Variants in SLC7A2 observed in about 807,000 individuals in gnomAD.
SLC7A2 encodes the protein cationic amino acid transporter 2.
A neutral mutation model predicts 58.9 loss-of-function variants in SLC7A2; 48 were observed. The ratio of observed to expected loss-of-function variants is 0.82; its 90% CI spans 0.65 to 1.04. SLC7A2 has a LOEUF of 1.04. Ranked by LOEUF, SLC7A2 falls within the 50% of genes least tolerant of loss-of-function variation. The pLI is 0.00. For synonymous variants in SLC7A2, 363 were observed against 314.5 expected, an observed-to-expected ratio of 1.15 and a Z score of -1.63; for missense variants, 1,029 against 818.8, an observed-to-expected ratio of 1.26 and a Z score of -3.13.
In SLC7A2 at chr8:17,543,404, T is replaced by C. The variant is rs757240144; in HGVS notation, c.65T>C (p.Leu22Pro). The change falls in exon 3 of 13, where the codon CTG becomes CCG. Residue 22 changes from leucine (L) to proline (P), a missense_variant. Physicochemically the swap from Leu to Pro is moderately conservative, Grantham distance 98 (BLOSUM62 -3). Coordinates refer to ENST00000494857, the MANE Select transcript of SLC7A2 (RefSeq NM_001370338.1). ...RCLIRRKIVT[L>P]DSLEDTKLCR... ...CTGATCCGGAGAAAAATCGTGACCC[T>C]GGACAGTCTAGAAGACACCAAATTA... The C allele has an allele frequency of 3.1e-6, 5 of 1,614,170 alleles. No individual in the cohort carries two copies. Among genetic ancestry groups the C allele is most frequent in the Non-Finnish European group, 4.2e-6 (5 of 1,180,014 alleles).
At chr8:17,537,785 C>T (rs919582637) in intron 2 of SLC7A2, among the ~76,000 whole-genome samples, 1 of 152,176 alleles carries the variant, frequency 6.6e-6, no homozygotes, top group Non-Finnish European at 1.5e-5. Context: ...CTGCCTGGTG[C>T]CCAAGCCTGA....
intron 8 of SLC7A2, among the ~76,000 whole-genome samples, chr8:17,557,888 T>C (rs1046790188): frequency 1.3e-5 from 2 of 152,192 alleles, no homozygotes; most frequent in African/African-American, 4.8e-5. Flanking sequence ...AAAGTGGTTA[T>C]ATAATATCTA....
At position 17,555,010 on chromosome 8, in the gene SLC7A2, T is replaced by A. The variant is rs759915639; in HGVS notation, c.1195+311T>A. The A allele has an allele frequency of 1.9e-6, 3 of 1,614,056 alleles. No homozygotes were observed. In the South Asian group the frequency reaches 3.3e-5, roughly 18 times the overall value. ...TGCCATGGCCCGGGATGGCTTACTG[T>A]TTAGATTTCTTGCCAGAGTGAGTAA... On this transcript the variant is annotated intron_variant, in intron 8 of 12. Transcript: ENST00000494857.
At chr8:17,509,053 C>G (rs1475031502) in intron 2 of SLC7A2, among the ~76,000 whole-genome samples, 3 of 152,064 alleles carry the variant, frequency 2.0e-5, no homozygotes, top group Non-Finnish European at 2.9e-5. Context: ...GGAGGCAGCT[C>G]TAGGAGTGGG....
In SLC7A2 at chr8:17,560,493, G is replaced by A. The variant is rs1056099391; in HGVS notation, c.1464G>A (p.Gln488=). The change falls in exon 10 of 13, where the codon CAG becomes CAA. Residue 488 remains glutamine (Q), a synonymous_variant. Transcript: ENST00000494857. The part of the protein sequence containing the change: ...TLFCPSLLPT[Q]QSASLVSFLV... ...TCTGCCCCTCCCTTCTGCCAACACA[G>A]CAGTCAGCTTCTCTCGTGAGCTTTC... The A allele has an allele frequency of 5.0e-6, 8 of 1,613,806 alleles. No homozygotes were observed. The African/African-American group carries it at 8.0e-5, about 16-fold the overall frequency.
At chr8:17,547,571 T>C (rs1802232929) in intron 4 of SLC7A2, among the ~76,000 whole-genome samples, 1 of 152,208 alleles carries the variant, frequency 6.6e-6, no homozygotes, top group African/African-American at 2.4e-5. Flanking sequence ...TTTGATGCAG[T>C]ATTACTTTGC....
chr8:17,501,738 T>TA (rs547428322), intron 1 of SLC7A2, among the ~76,000 whole-genome samples: 11 of 152,016 alleles, frequency 7.2e-5, no homozygotes, highest in Non-Finnish European at 1.6e-4. Context: ...TAAAATGAGA[T>TA]AAAAAAATGA....
At chr8:17,496,384 T>G (rs1380777778), upstream of SLC7A2, among the ~76,000 whole-genome samples, 2 of 152,162 alleles carry the variant, frequency 1.3e-5, no homozygotes, top group Admixed American at 6.5e-5. Context: ...TTCAATTCAG[T>G]GCGTGTTTTG....
At chr8:17,524,836 T>A (rs1490779720) in intron 2 of SLC7A2, among the ~76,000 whole-genome samples, 1 of 152,008 alleles carries the variant, frequency 6.6e-6, no homozygotes, top group African/African-American at 2.4e-5. Flanking sequence ...GGGATTAACA[T>A]ACAGAGCCAG....
intron 2 of SLC7A2, among the ~76,000 whole-genome samples, chr8:17,502,739 A>AT (rs773971963): frequency 6.6e-6 from 1 of 152,072 alleles, no homozygotes; most frequent in Non-Finnish European, 1.5e-5. Context: ...GAATGAGTCC[A>AT]TTTTTCCTAG....
Position 17,558,383 on chromosome 8 carries a change from T to C in SLC7A2, c.1284T>C (p.Cys428=). The change falls in exon 9 of 13, where the codon TGT becomes TGC. Residue 428 remains cysteine (C), a synonymous_variant. Coordinates refer to ENST00000494857, the MANE Select transcript of SLC7A2 (RefSeq NM_001370338.1). The part of the protein sequence containing the change: ...TLMAYSLVAA[C]VLILRYQPGL... ...TGGCCTACTCTCTGGTGGCAGCCTGTGTTCTCATCCTCAGGTGAGTCACCT... is the reference window on the plus strand; with the variant it reads ...TGGCCTACTCTCTGGTGGCAGCCTGCGTTCTCATCCTCAGGTGAGTCACCT... 1 of 1,611,398 alleles carries C rather than the reference T, an allele frequency of 6.2e-7. No individual in the cohort carries two copies. The highest frequency in any genetic ancestry group is 1.1e-5 in the South Asian group (1 of 90,758).
intron 1 of SLC7A2, among the ~76,000 whole-genome samples, chr8:17,500,829 C>T (rs1240403039): frequency 1.7e-5 from 2 of 120,892 alleles, no homozygotes; most frequent in African/African-American, 2.6e-5. Context: ...CACACACACA[C>T]ACACACACAC....
chr8:17,556,087 A>C lies in SLC7A2; in HGVS notation c.1195+1388A>C, dbSNP rs562573821. Reference sequence around the variant, plus strand: ...TTCACTTTGTAAACATTTTCTTATAAATCTGGCCCTTTCTTAAACTATGTT... The same window carrying C: ...TTCACTTTGTAAACATTTTCTTATACATCTGGCCCTTTCTTAAACTATGTT... On this transcript the variant is annotated intron_variant, in intron 8 of 12. Coordinates refer to ENST00000494857, the MANE Select transcript of SLC7A2 (RefSeq NM_001370338.1). Among the ~76,000 whole-genome samples, 13 of 152,272 alleles carry C rather than the reference A, an allele frequency of 8.5e-5. No individual in the cohort carries two copies. In the South Asian group the frequency reaches 2.7e-3, roughly 32 times the overall value.
At chr8:17,530,201 C>T (rs950321011) in intron 2 of SLC7A2, among the ~76,000 whole-genome samples, 13 of 152,074 alleles carry the variant, frequency 8.5e-5, no homozygotes, top group African/African-American at 2.4e-4. Context: ...CCCGGTCCGC[C>T]GCTGCTTCTT....
At chr8:17,499,084 T>G (rs1223752682) in intron 1 of SLC7A2, 1 of 152,320 alleles carries the variant, frequency 6.6e-6, no homozygotes, top group Non-Finnish European at 1.5e-5. Flanking sequence ...TACCTTCTGT[T>G]CTCTTTTCAG....
chr8:17,541,032 A>G (rs1363908425), intron 2 of SLC7A2, among the ~76,000 whole-genome samples: 2 of 152,150 alleles, frequency 1.3e-5, no homozygotes, highest in Non-Finnish European at 2.9e-5. Flanking sequence ...GGAGTTGTAT[A>G]TGACATGTCT....
At chr8:17,508,373 G>C (rs995332496) in intron 2 of SLC7A2, among the ~76,000 whole-genome samples, 1 of 152,140 alleles carries the variant, frequency 6.6e-6, no homozygotes, top group Admixed American at 6.5e-5. Flanking sequence ...AAATATTTTT[G>C]TATTCTTCCT....
intron 12 of SLC7A2, 22 bp from the exon 13 acceptor site, chr8:17,564,928 T>A (rs1302449200): frequency 2.6e-6 from 4 of 1,546,630 alleles, no homozygotes; most frequent in Non-Finnish European, 3.5e-6. Flanking sequence ...AACATTGATT[T>A]TTTTTTTTCC....
At chr8:17,539,011 C>A in intron 2 of SLC7A2, 1 of 1,219,086 alleles carries the variant, frequency 8.2e-7, no homozygotes, top group Non-Finnish European at 1.2e-6. Context: ...GGGAAAGATT[C>A]ATTTCTAAGT....
Sources: allele counts gnomAD v4.1 joint callset (sites outside exome capture counted in the v4.1 genomes callset), GRCh38; gene constraint gnomAD v4.1.1; transcripts MANE v1.5; gene names NCBI Gene and HGNC (gene_info 2026-07-23, HGNC 2026-07-21).